Variants in MOB3B observed in about 807,000 individuals in gnomAD.
MOB3B encodes MOB kinase activator-like 2B.
MOB3B carries 7 observed loss-of-function variants against 18.7 expected under a neutral mutation model. The ratio of observed to expected loss-of-function variants is 0.37; its 90% CI spans 0.21 to 0.70. The LOEUF (loss-of-function observed/expected upper bound fraction) is 0.70, where lower values mean the gene tolerates loss of function less well. Ranked by LOEUF, MOB3B falls within the 30% of genes least tolerant of loss-of-function variation. The pLI, the probability that MOB3B is intolerant of heterozygous loss-of-function variation, is 0.52. For missense variants in MOB3B, 253 were observed against 281.3 expected, an observed-to-expected ratio of 0.90 and a Z score of 0.72; for synonymous variants, 111 against 99.9, an observed-to-expected ratio of 1.11 and a Z score of -0.66.
At chr9:27,492,699 T>C (rs1332149035) in intron 1 of MOB3B, among the ~76,000 whole-genome samples, 3 of 152,196 alleles carry the variant, frequency 2.0e-5, no homozygotes, top group Non-Finnish European at 4.4e-5. Flanking sequence ...GTTTTAGAGC[T>C]ATTTGGGTTT....
intron 1 of MOB3B, among the ~76,000 whole-genome samples, chr9:27,481,075 C>T (rs567906235): frequency 2.0e-5 from 3 of 152,078 alleles, no homozygotes; most frequent in Non-Finnish European, 2.9e-5. Context: ...AAGTTAAAGA[C>T]GCATGCTATA....
At chr9:27,337,828 C>T (rs1820885296) in intron 3 of MOB3B, among the ~76,000 whole-genome samples, 1 of 152,166 alleles carries the variant, frequency 6.6e-6, no homozygotes, top group South Asian at 2.1e-4. Flanking sequence ...CTTTCAGGGG[C>T]TGTGGAATCA....
chr9:27,391,374 G>T (rs1416818031), intron 2 of MOB3B, among the ~76,000 whole-genome samples: 1 of 152,124 alleles, frequency 6.6e-6, no homozygotes. Context: ...AAGCTTAAAA[G>T]GTCCCTAGGG....
At chr9:27,342,926 C>CCT (rs1820972392) in intron 3 of MOB3B, among the ~76,000 whole-genome samples, 1 of 149,538 alleles carries the variant, frequency 6.7e-6, no homozygotes. Flanking sequence ...CCTGGCCACC[C>CCT]ATCGTCTGGG....
chr9:27,356,458 C>A (rs1213992931), intron 3 of MOB3B, among the ~76,000 whole-genome samples: 1 of 152,190 alleles, frequency 6.6e-6, no homozygotes, highest in Non-Finnish European at 1.5e-5. Context: ...TGCCTTGGAG[C>A]CCTTTCTTCA....
intron 2 of MOB3B, among the ~76,000 whole-genome samples, chr9:27,359,503 A>G (rs1821243557): frequency 6.6e-6 from 1 of 152,136 alleles, no homozygotes; most frequent in South Asian, 2.1e-4. Context: ...TAGAGCTTCT[A>G]ATTTTTCAAG....
At chr9:27,398,587 C>A (rs940430088) in intron 2 of MOB3B, among the ~76,000 whole-genome samples, 1 of 152,128 alleles carries the variant, frequency 6.6e-6, no homozygotes, top group African/African-American at 2.4e-5. Context: ...ACTACATGAG[C>A]TAATTTGGAA....
At chr9:27,405,805 A>T (rs1162415458) in intron 2 of MOB3B, among the ~76,000 whole-genome samples, 1 of 152,234 alleles carries the variant, frequency 6.6e-6, no homozygotes, top group Non-Finnish European at 1.5e-5. Context: ...ACATCATACC[A>T]ATAGAATGAA....
intron 2 of MOB3B, among the ~76,000 whole-genome samples, chr9:27,370,518 A>G (rs1398696694): frequency 6.6e-6 from 1 of 151,286 alleles, no homozygotes; most frequent in Non-Finnish European, 1.5e-5. Context: ...CAGAAAAAAA[A>G]AAAAGAAAAA....
At chr9:27,439,800 A>C (rs1822566496) in intron 2 of MOB3B, among the ~76,000 whole-genome samples, 1 of 152,182 alleles carries the variant, frequency 6.6e-6, no homozygotes, top group Non-Finnish European at 1.5e-5. Flanking sequence ...ATAGCAAAAA[A>C]AATGGAATGG....
chr9:27,417,375 G>GAAACA (rs1362266371), intron 2 of MOB3B, among the ~76,000 whole-genome samples: 1 of 123,608 alleles, frequency 8.1e-6, no homozygotes, highest in Non-Finnish European at 1.8e-5. Flanking sequence ...AAAACAAAAG[G>GAAACA]AAACAAAACA....
At chr9:27,380,304 C>G (rs1410247900) in intron 2 of MOB3B, among the ~76,000 whole-genome samples, 1 of 145,742 alleles carries the variant, frequency 6.9e-6, no homozygotes, top group South Asian at 2.2e-4. Flanking sequence ...CTCACTCTGT[C>G]GCCAGGCTGG....
chr9:27,464,921 C>T (rs1261664243), intron 1 of MOB3B, among the ~76,000 whole-genome samples: 3 of 152,158 alleles, frequency 2.0e-5, no homozygotes, highest in Non-Finnish European at 2.9e-5. Context: ...GGGTCCCTGC[C>T]ATAGCATGTG....
chr9:27,401,282 G>A (rs1821874022), intron 2 of MOB3B, among the ~76,000 whole-genome samples: 1 of 152,180 alleles, frequency 6.6e-6, no homozygotes, highest in African/African-American at 2.4e-5. Flanking sequence ...CCCTCAGCCT[G>A]GACCCTGTGA....
chr9:27,370,818 G>A (rs1234094507), intron 2 of MOB3B, among the ~76,000 whole-genome samples: 1 of 152,152 alleles, frequency 6.6e-6, no homozygotes, highest in East Asian at 1.9e-4. Flanking sequence ...CCCCTGCTTG[G>A]GTTCCCCTTA....
chr9:27,503,772 AAAGAAGCAT>A (rs1820021012), intron 1 of MOB3B, among the ~76,000 whole-genome samples: 2 of 152,228 alleles, frequency 1.3e-5, no homozygotes, highest in Non-Finnish European at 2.9e-5. Flanking sequence ...AGGGCCTCTC[AAAGAAGCAT>A]GCTTAGTTAG....
At chr9:27,523,154 T>G (rs1587278252) in intron 1 of MOB3B, among the ~76,000 whole-genome samples, 1 of 152,184 alleles carries the variant, frequency 6.6e-6, no homozygotes, top group South Asian at 2.1e-4. Context: ...ATAAGCTACC[T>G]TTTTAAAATG....
At chr9:27,388,950 C>T (rs888038233) in intron 2 of MOB3B, among the ~76,000 whole-genome samples, 12 of 152,172 alleles carry the variant, frequency 7.9e-5, no homozygotes, top group Non-Finnish European at 1.2e-4. Flanking sequence ...CCACTGTAAA[C>T]AACTTTCTGA....
chr9:27,478,584 T>C (rs888419934), intron 1 of MOB3B, among the ~76,000 whole-genome samples: 1 of 151,838 alleles, frequency 6.6e-6, no homozygotes, highest in African/African-American at 2.4e-5. Context: ...AGAAGTGTTC[T>C]GAATGGAGCA....
Sources: allele counts gnomAD v4.1 joint callset (sites outside exome capture counted in the v4.1 genomes callset), GRCh38; gene constraint gnomAD v4.1.1; transcripts MANE v1.5; gene names NCBI Gene and HGNC (gene_info 2026-07-23, HGNC 2026-07-21).